CHL1: variants seen among roughly 807,000 people sequenced by gnomAD.
The protein encoded by CHL1 is cell adhesion molecule L1 like.
Under a neutral mutation model 141.9 loss-of-function variants are expected in CHL1, and 96 were observed. The ratio of observed to expected loss-of-function variants is 0.68; its 90% CI spans 0.57 to 0.80. CHL1 has a LOEUF of 0.80. CHL1 is among the 30% of genes least tolerant of loss of function. The pLI is 0.00. For missense variants in CHL1, 1,820 were observed against 1,457.2 expected (o/e 1.25, Z -4.05); for synonymous variants, 613 against 502.2 (o/e 1.22, Z -2.95).
At chr3:363,504 T>C in intron 14 of CHL1, 121 bp downstream of exon 14, 1 of 925,066 alleles carries the variant, frequency 1.1e-6, no homozygotes, top group Non-Finnish European at 1.6e-6. Flanking sequence ...TGAACCGTTT[T>C]TCAAAATTCC....
At chr3:365,357 A>T (rs1197293808) in intron 14 of CHL1, among the ~76,000 whole-genome samples, 1 of 152,204 alleles carries the variant, frequency 6.6e-6, no homozygotes, top group Non-Finnish European at 1.5e-5. Context: ...CACTCCCTGT[A>T]ATTCATTCAA....
intron 1 of CHL1, among the ~76,000 whole-genome samples, chr3:204,591 T>G (rs1699246661): frequency 6.6e-6 from 1 of 152,232 alleles, no homozygotes; most frequent in South Asian, 2.1e-4. Flanking sequence ...AAGTTCGGTT[T>G]TTTATTGCAT....
intron 2 of CHL1, among the ~76,000 whole-genome samples, chr3:255,192 G>C (rs1321093041): frequency 1.3e-5 from 2 of 152,166 alleles, no homozygotes; most frequent in Admixed American, 6.5e-5. Context: ...AACAGTGGTT[G>C]CATTCTGGCA....
intron 2 of CHL1, among the ~76,000 whole-genome samples, chr3:317,536 C>T (rs1700235241): frequency 6.6e-6 from 1 of 151,144 alleles, no homozygotes; most frequent in African/African-American, 2.4e-5. Context: ...ATGAGATGCT[C>T]TTAAAGCCAT....
intron 19 of CHL1, among the ~76,000 whole-genome samples, chr3:387,601 T>C (rs1206826747): frequency 6.6e-6 from 1 of 152,228 alleles, no homozygotes; most frequent in Non-Finnish European, 1.5e-5. Context: ...TGGAGCAAAA[T>C]GTGTAAAATG....
At chr3:224,276 C>T (rs561752170) in intron 1 of CHL1, among the ~76,000 whole-genome samples, 12 of 152,040 alleles carry the variant, frequency 7.9e-5, no homozygotes, top group South Asian at 2.1e-4. Flanking sequence ...TGGCCTATGT[C>T]GAGGAATGAC....
intron 1 of CHL1, chr3:198,030 G>T (rs992858193): frequency 2.4e-5 from 8 of 329,314 alleles, no homozygotes; most frequent in Non-Finnish European, 4.9e-5. Flanking sequence ...TCAGCCAGGG[G>T]CAGGGCCGGG....
At chr3:328,429 A>G (rs1701177480) in intron 5 of CHL1, 75 bp downstream of exon 5, 7 of 1,249,696 alleles carry the variant, frequency 5.6e-6, no homozygotes, top group South Asian at 4.8e-5. Flanking sequence ...TTGGGTTCCA[A>G]TGAAATAAAG....
intron 2 of CHL1, among the ~76,000 whole-genome samples, chr3:316,868 AT>A (rs1700188711): frequency 6.6e-6 from 1 of 152,052 alleles, no homozygotes; most frequent in African/African-American, 2.4e-5. Context: ...GAGGTCTAGC[AT>A]GAGGCATTAA....
intron 10 of CHL1, among the ~76,000 whole-genome samples, chr3:354,202 G>C (rs945110628): frequency 1.3e-5 from 2 of 151,992 alleles, no homozygotes; most frequent in African/African-American, 4.8e-5. Context: ...ATTTTAATTA[G>C]TTTTATTTTT....
chr3:334,499 A>G (rs1013533762), intron 5 of CHL1, among the ~76,000 whole-genome samples: 7 of 152,058 alleles, frequency 4.6e-5, no homozygotes, highest in Admixed American at 3.9e-4. Context: ...CCTTAAATGT[A>G]CTTTTCTGGA....
chr3:307,359 T>C (rs909188856), intron 2 of CHL1, among the ~76,000 whole-genome samples: 2 of 152,326 alleles, frequency 1.3e-5, no homozygotes, highest in Admixed American at 6.5e-5. Flanking sequence ...TTATACCCTG[T>C]ATTCTGTCAG....
intron 2 of CHL1, among the ~76,000 whole-genome samples, chr3:313,791 G>A (rs1699937994): frequency 6.6e-6 from 1 of 152,150 alleles, no homozygotes; most frequent in Admixed American, 6.5e-5. Context: ...ATAATGCAAA[G>A]TTGGTGAATT....
rs762290860 is a variant in CHL1, at chr3:344,692, G to C, written c.831G>C (p.Glu277Asp). 1.9e-6 allele frequency: 3 copies of C among 1,613,658 alleles called. No homozygotes were observed. The highest frequency in any genetic ancestry group is 2.7e-5 in the African/African-American group (2 of 74,894). ...TCAAAGGGGAAATCTTGCTGCTTGA[G>C]TGTTTTGCTGAAGGCTTGTGAGTAA... Reference protein sequence around the residue: ...TILKGEILLLECFAEGLPTPQ... With the variant: ...TILKGEILLLDCFAEGLPTPQ... Residue 277 changes from glutamate (E) to aspartate (D), a missense_variant, in exon 9 of 28, where the codon GAG becomes GAC. Physicochemically the swap from Glu to Asp is conservative, Grantham distance 45. Coordinates refer to ENST00000256509, the MANE Select transcript of CHL1 (RefSeq NM_006614.4).
intron 2 of CHL1, among the ~76,000 whole-genome samples, chr3:314,323 C>CTA (rs1699988655): frequency 3.3e-5 from 2 of 60,158 alleles, no homozygotes; most frequent in African/African-American, 1.3e-4. Flanking sequence ...CTCTCTCTCT[C>CTA]TATGTGTATA....
At position 389,309 on chromosome 3, in the gene CHL1, C is replaced by T. The variant is rs1306391833; in HGVS notation, c.2305C>T (p.Pro769Ser). ...CCTAGAGTACAGAGTGACCTGGAAG[C>T]CACAGGGAGCCCCAGTGGAGTGGGA... ...PGLEYRVTWK[P>S]QGAPVEWEEE... Residue 769 changes from proline to serine, a missense_variant, in exon 20 of 28, where the codon CCA (proline) becomes TCA (serine). By Grantham distance (74) the Pro-to-Ser change is moderately conservative. Transcript: ENST00000256509. 1 of 1,614,100 alleles carries T rather than the reference C, an allele frequency of 6.2e-7. No homozygotes were observed. The highest frequency in any genetic ancestry group is 8.5e-7 in the Non-Finnish European group (1 of 1,180,012).
chr3:293,720 T>A (rs145583064), intron 2 of CHL1, among the ~76,000 whole-genome samples: 1 of 152,314 alleles, frequency 6.6e-6, no homozygotes, highest in East Asian at 1.9e-4. Flanking sequence ...TGTGAGCCAC[T>A]GTAACCTGAA....
intron 8 of CHL1, among the ~76,000 whole-genome samples, chr3:344,028 G>C (rs1377005094): frequency 2.0e-5 from 3 of 152,126 alleles, no homozygotes; most frequent in Admixed American, 6.6e-5. Flanking sequence ...CAGGTAGTGA[G>C]GATGCTTACT....
intron 27 of CHL1, among the ~76,000 whole-genome samples, 175 bp from the exon 28 acceptor site, chr3:405,320 C>T (rs2106442067): frequency 6.6e-6 from 1 of 152,258 alleles, no homozygotes; most frequent in Non-Finnish European, 1.5e-5. Context: ...TGTTTACAGA[C>T]TTCGTAAACT....
Sources: gnomAD v4.1 joint callset for allele counts (sites outside exome capture counted in the v4.1 genomes callset) on GRCh38, gnomAD v4.1.1 for gene constraint, MANE v1.5 for transcripts, NCBI Gene and HGNC (gene_info 2026-07-23, HGNC 2026-07-21) for gene names.